Variants in MPDZ observed in about 807,000 individuals in gnomAD.
MPDZ encodes multiple PDZ domain protein.
In MPDZ, 234 loss-of-function variants were observed where a neutral mutation model predicts 239.1. The observed-to-expected ratio is 0.98, with a 90% CI of 0.88 to 1.09. MPDZ has a LOEUF of 1.09. Ranked by LOEUF, MPDZ falls within the 50% of genes least tolerant of loss-of-function variation. MPDZ has a pLI of 0.00. For missense variants in MPDZ, 3,175 were observed against 2,510.0 expected (o/e 1.26, Z -5.66); for synonymous variants, 1,048 against 881.3 (o/e 1.19, Z -3.35).
In MPDZ at chr9:13,222,223, A is replaced by G; in HGVS notation, c.747+10T>C. 1 of 1,597,898 alleles carries G rather than the reference A, an allele frequency of 6.3e-7. No individual in the cohort carries two copies. Among genetic ancestry groups the G allele is most frequent in the Non-Finnish European group, 8.5e-7 (1 of 1,172,074 alleles). ...ACGTTCTGTTCCTTTTGAAAATTTTAGGTACTCACCGGATTAGAGTGAGCT... is the reference window on the plus strand; with the variant it reads ...ACGTTCTGTTCCTTTTGAAAATTTTGGGTACTCACCGGATTAGAGTGAGCT... On this transcript the variant is annotated intron_variant, in intron 6 of 46. Coordinates refer to ENST00000319217, the MANE Select transcript of MPDZ (RefSeq NM_001378778.1).
chr9:13,173,147 T>C (rs1170636624), intron 21 of MPDZ, among the ~76,000 whole-genome samples: 1 of 152,198 alleles, frequency 6.6e-6, no homozygotes, highest in Admixed American at 6.5e-5. Flanking sequence ...GTTTAATGGA[T>C]ACAGCGTTTC....
At position 13,113,066 on chromosome 9, in the gene MPDZ, A is replaced by G. The variant is rs765104820; in HGVS notation, c.5558-12T>C. The G allele has an allele frequency of 5.1e-6, 8 of 1,560,844 alleles. No homozygotes were observed. Among genetic ancestry groups the G allele is most frequent in the Non-Finnish European group, 7.0e-6 (8 of 1,150,398 alleles). ...TATTTCAGATGCCACTGTAAAGGCA[A>G]AAAAGATAAAATAGGGTTATTTTAT... is the stretch of plus-strand genomic sequence containing the variant. On this transcript the variant is annotated splice_polypyrimidine_tract_variant and intron_variant, in intron 41 of 46. Coordinates refer to ENST00000319217, the MANE Select transcript of MPDZ (RefSeq NM_001378778.1).
intron 31 of MPDZ, chr9:13,134,679 T>C (rs1946483214): frequency 6.6e-6 from 1 of 152,202 alleles, no homozygotes; most frequent in African/African-American, 2.4e-5. Flanking sequence ...ACTCTCCCAA[T>C]TCTCTGTCAC....
chr9:13,235,170 C>A (rs1365400326), intron 3 of MPDZ, among the ~76,000 whole-genome samples: 2 of 151,976 alleles, frequency 1.3e-5, no homozygotes, highest in East Asian at 3.9e-4. Flanking sequence ...ATTTAATGAC[C>A]CTTATTTTTA....
In MPDZ at chr9:13,136,735, A is replaced by C; in HGVS notation, c.4269T>G (p.Ser1423=). The change falls in exon 30 of 47, where the codon TCT becomes TCG. Residue 1423 remains serine (S), a synonymous_variant. Transcript: ENST00000319217. ...NASSIIKCAP[S]KVKIIFIRNK... ...ACCTGATAAAAATTATTTTCACTTT[A>C]GAAGGGGCACATTTAATGATTGATG... is the stretch of plus-strand genomic sequence containing the variant. 6.3e-7 allele frequency: 1 copy of C among 1,598,118 alleles called. No individual in the cohort carries two copies. Among genetic ancestry groups the C allele is most frequent in the Non-Finnish European group, 8.5e-7 (1 of 1,169,954 alleles).
intron 15 of MPDZ, 148 bp from the exon 16 acceptor site, chr9:13,190,447 G>T: frequency 3.1e-6 from 2 of 638,064 alleles, no homozygotes; most frequent in Non-Finnish European, 4.6e-6. Context: ...AAACCTTTAG[G>T]AATTAAGGTA....
At chr9:13,136,054 C>A in intron 31 of MPDZ, 38 bp downstream of exon 31, 1 of 1,335,868 alleles carries the variant, frequency 7.5e-7, no homozygotes, top group South Asian at 1.2e-5. Flanking sequence ...TCACATCAAT[C>A]AAGTCTTCCC....
At chr9:13,112,243 T>C in intron 42 of MPDZ, 97 bp from the exon 43 acceptor site, 1 of 1,256,680 alleles carries the variant, frequency 8.0e-7, no homozygotes, top group Non-Finnish European at 1.1e-6. Flanking sequence ...ACTCTGATTT[T>C]CTAAGTGTGA....
chr9:13,106,916 C>T lies in MPDZ; in HGVS notation c.*49G>A, dbSNP rs772774273. On this transcript the variant is annotated 3_prime_UTR_variant, in exon 47 of 47. Transcript: ENST00000319217. ...TGTCAGGACCAGTGCATTCTCTTTACAGTAGGAGGTGAGCTAGGGGTTGGG... is the reference window on the plus strand; with the variant it reads ...TGTCAGGACCAGTGCATTCTCTTTATAGTAGGAGGTGAGCTAGGGGTTGGG... The T allele has an allele frequency of 8.1e-6, 13 of 1,600,386 alleles. No homozygotes were observed. The highest frequency in any genetic ancestry group is 5.0e-5 in the Admixed American group (3 of 59,860).
At chr9:13,230,455 A>AG (rs2136700680) in intron 3 of MPDZ, among the ~76,000 whole-genome samples, 1 of 152,276 alleles carries the variant, frequency 6.6e-6, no homozygotes, top group Admixed American at 6.5e-5. Context: ...AAAGAAGAAA[A>AG]ATATTAATAT....
Position 13,109,828 on chromosome 9 carries a change from C to T in MPDZ, c.5942+124G>A, listed in dbSNP as rs879154084. The T allele has an allele frequency of 2.5e-4, 185 of 744,392 alleles. 2 individuals are homozygous for T. In the South Asian group the frequency reaches 2.8e-3, roughly 11 times the overall value. 46.1% of individuals were successfully genotyped at this position (744,392 alleles called of 1,614,324 possible). On this transcript the variant is annotated intron_variant, in intron 45 of 46. Coordinates refer to ENST00000319217, the MANE Select transcript of MPDZ (RefSeq NM_001378778.1). ...AAGCACCTGATATGTATAATTCACA[C>T]TTCATATATCCTATCATTTTACCTG...
intron 3 of MPDZ, among the ~76,000 whole-genome samples, chr9:13,236,213 G>GTATA (rs1564099159): frequency 3.8e-5 from 4 of 104,184 alleles, no homozygotes; most frequent in Non-Finnish European, 7.7e-5. Context: ...GTGTGTGTGT[G>GTATA]TGTGTGTGTG....
chr9:13,217,145 T>C (rs1202566313), intron 9 of MPDZ, 35 bp downstream of exon 9: 1 of 1,307,304 alleles, frequency 7.6e-7, no homozygotes, highest in East Asian at 2.4e-5. Context: ...GAGGTAATTG[T>C]CAAGTTTAAA....
intron 39 of MPDZ, 74 bp downstream of exon 39, chr9:13,119,428 C>T: frequency 6.6e-7 from 1 of 1,504,834 alleles, no homozygotes; most frequent in South Asian, 1.3e-5. Flanking sequence ...ACTAATTTGA[C>T]TATGATAGCC....
At chr9:13,161,297 T>C (rs1222748027) in intron 23 of MPDZ, among the ~76,000 whole-genome samples, 1 of 152,008 alleles carries the variant, frequency 6.6e-6, no homozygotes, top group Non-Finnish European at 1.5e-5. Context: ...CGACCAGGCA[T>C]GGCGGCTCAC....
chr9:13,121,706 A>T, intron 38 of MPDZ, 33 bp downstream of exon 38: 1 of 1,607,572 alleles, frequency 6.2e-7, no homozygotes, highest in Non-Finnish European at 8.5e-7. Context: ...ATCATTTCCA[A>T]GGGAGCATTG....
At chr9:13,174,077 T>C (rs1291924941) in intron 21 of MPDZ, among the ~76,000 whole-genome samples, 1 of 152,194 alleles carries the variant, frequency 6.6e-6, no homozygotes, top group Non-Finnish European at 1.5e-5. Flanking sequence ...AGCTTTCATC[T>C]TTTTCAAATT....
chr9:13,243,526 T>C (rs1008148294), intron 3 of MPDZ, among the ~76,000 whole-genome samples: 5 of 152,180 alleles, frequency 3.3e-5, no homozygotes, highest in African/African-American at 9.6e-5. Context: ...CATTAGAAGT[T>C]GCTTCAAATT....
In MPDZ at chr9:13,113,000, C is replaced by A. The variant is rs368576356; in HGVS notation, c.5601+11G>T. 1 of 1,579,706 alleles carries A rather than the reference C, an allele frequency of 6.3e-7. No individual in the cohort carries two copies. Among genetic ancestry groups the A allele is most frequent in the Non-Finnish European group, 8.6e-7 (1 of 1,160,094 alleles). On this transcript the variant is annotated intron_variant, in intron 42 of 46. Coordinates refer to ENST00000319217, the MANE Select transcript of MPDZ (RefSeq NM_001378778.1). ...CGCCAGGGTTTATATTGTTTTCTCT[C>A]CCCAAGTTACCTTTTTCATTTCGAC...
Sources: gnomAD v4.1 joint callset for allele counts (sites outside exome capture counted in the v4.1 genomes callset) on GRCh38, gnomAD v4.1.1 for gene constraint, MANE v1.5 for transcripts, NCBI Gene and HGNC (gene_info 2026-07-23, HGNC 2026-07-21) for gene names.